The following C1QTNF3 variants were observed in gnomAD, a reference collection of about 807,000 sequenced individuals.
C1QTNF3 encodes the protein complement C1q tumor necrosis factor-related protein 3.
In C1QTNF3, 26 loss-of-function variants were observed where a neutral mutation model predicts 32.6. The ratio of observed to expected loss-of-function variants is 0.80; its 90% confidence interval spans 0.58 to 1.11. The LOEUF is 1.11. C1QTNF3 is among the 50% of genes least tolerant of loss of function. C1QTNF3 has a pLI of 0.00. For missense variants in C1QTNF3, 362 were observed against 398.2 expected (o/e 0.91, Z 0.77); for synonymous variants, 155 against 146.0 (o/e 1.06, Z -0.44).
chr5:34,122,174 A>G, the C1QTNF3 span, among the ~76,000 whole-genome samples: 7 of 152,208 alleles, frequency 4.6e-5, no homozygotes, highest in African/African-American at 1.7e-4. Context: ...GGTAGTGGGT[A>G]GAGGCTAAAA....
At chr5:34,120,898 A>G in the C1QTNF3 span, among the ~76,000 whole-genome samples, 12 of 152,248 alleles carry the variant, frequency 7.9e-5, no homozygotes, top group Non-Finnish European at 2.9e-5. Context: ...GTGATATAGT[A>G]ATAGCAATGA....
chr5:34,145,678 C>CA, the C1QTNF3 span, among the ~76,000 whole-genome samples: 1,431 of 96,838 alleles, frequency 0.015, 11 homozygotes, highest in South Asian at 0.035. Flanking sequence ...AGAGACACAG[C>CA]AAAAAAAAAA....
the C1QTNF3 span, among the ~76,000 whole-genome samples, chr5:34,147,166 C>T: frequency 7.2e-5 from 11 of 152,224 alleles, no homozygotes; most frequent in Admixed American, 3.3e-4. Flanking sequence ...TAACAGATGC[C>T]GGCAAGGCTG....
the C1QTNF3 span, among the ~76,000 whole-genome samples, chr5:34,148,002 C>T: frequency 6.6e-6 from 1 of 152,110 alleles, no homozygotes; most frequent in Non-Finnish European, 1.5e-5. Flanking sequence ...TGTGTGCGCA[C>T]CATGCGCGAG....
chr5:34,159,452 G>A, the C1QTNF3 span, among the ~76,000 whole-genome samples: 5 of 151,752 alleles, frequency 3.3e-5, no homozygotes, highest in South Asian at 2.1e-4. Flanking sequence ...AAATTATGAC[G>A]AGCTGCAAAA....
the C1QTNF3 span, among the ~76,000 whole-genome samples, chr5:34,049,203 T>C: frequency 6.6e-6 from 1 of 152,156 alleles, no homozygotes; most frequent in African/African-American, 2.4e-5. Flanking sequence ...TCTTTCTATG[T>C]TCCCAGAATT....
the C1QTNF3 span, chr5:34,200,993 G>A: frequency 6.6e-6 from 1 of 151,806 alleles, no homozygotes; most frequent in Non-Finnish European, 1.5e-5. Flanking sequence ...GTAATTATAT[G>A]GCAAGAATCT....
the C1QTNF3 span, among the ~76,000 whole-genome samples, chr5:34,147,250 A>G: frequency 6.6e-6 from 1 of 152,232 alleles, no homozygotes; most frequent in South Asian, 2.1e-4. Flanking sequence ...AGTAGTTTGG[A>G]GATTTCTCAA....
the C1QTNF3 span, among the ~76,000 whole-genome samples, chr5:34,136,656 C>T: frequency 6.6e-6 from 1 of 152,178 alleles, no homozygotes; most frequent in Admixed American, 6.5e-5. Context: ...TGGGTATATA[C>T]TCAAAAGATT....
At chr5:34,175,579 C>G in the C1QTNF3 span, 1 of 361,614 alleles carries the variant, frequency 2.8e-6, no homozygotes, top group African/African-American at 2.1e-5. Flanking sequence ...CCATTTCCAT[C>G]TCACTATAGC....
the C1QTNF3 span, among the ~76,000 whole-genome samples, chr5:34,153,854 A>AAT: frequency 0.028 from 1,589 of 57,562 alleles, 40 homozygotes; most frequent in African/African-American, 0.07. Context: ...CTTAGAGTAT[A>AAT]AAAAAAAAAA....
At chr5:34,042,761 A>AAAC (rs57826552) in intron 1 of C1QTNF3, 62 bp downstream of exon 1, 271,254 of 1,460,992 alleles carry the variant, frequency 0.19, 29,603 homozygotes, top group African/African-American at 0.43. Flanking sequence ...AACAACAACA[A>AAAC]AACAACAACA....
chr5:34,143,696 A>G, the C1QTNF3 span, among the ~76,000 whole-genome samples: 4 of 152,230 alleles, frequency 2.6e-5, no homozygotes, highest in African/African-American at 7.2e-5. Flanking sequence ...AACTTCATCA[A>G]TGAAGAAATA....
chr5:34,064,020 A>G, the C1QTNF3 span, among the ~76,000 whole-genome samples: 1 of 152,080 alleles, frequency 6.6e-6, no homozygotes, highest in Non-Finnish European at 1.5e-5. Flanking sequence ...TTCTGCCTCT[A>G]GTTGGCCCTC....
chr5:34,109,517 G>A, the C1QTNF3 span, among the ~76,000 whole-genome samples: 2 of 151,808 alleles, frequency 1.3e-5, no homozygotes, highest in South Asian at 4.2e-4. Context: ...AGGCATTGGG[G>A]TATAAAGTAA....
At chr5:34,210,441 C>T in the C1QTNF3 span, among the ~76,000 whole-genome samples, 1 of 151,062 alleles carries the variant, frequency 6.6e-6, no homozygotes, top group Non-Finnish European at 1.5e-5. Context: ...ATTGGTTAAC[C>T]TAAAATTACT....
chr5:34,142,441 A>AAC, the C1QTNF3 span, among the ~76,000 whole-genome samples: 13 of 151,290 alleles, frequency 8.6e-5, no homozygotes, highest in African/African-American at 2.7e-4. Context: ...CAAAAAAAAA[A>AAC]AAAACAGAAA....
chr5:34,177,636 G>A, the C1QTNF3 span, among the ~76,000 whole-genome samples: 1 of 151,882 alleles, frequency 6.6e-6, no homozygotes, highest in Non-Finnish European at 1.5e-5. Context: ...ACAGGTACAT[G>A]CCACCACACC....
the C1QTNF3 span, among the ~76,000 whole-genome samples, chr5:34,102,879 G>A: frequency 6.6e-6 from 1 of 152,238 alleles, no homozygotes; most frequent in Admixed American, 6.5e-5. Context: ...TACACCTAAT[G>A]TAAATGACGG....
Sources: allele counts gnomAD v4.1 joint callset (sites outside exome capture counted in the v4.1 genomes callset), GRCh38; gene constraint gnomAD v4.1.1; transcripts MANE v1.5; gene names NCBI Gene and HGNC (gene_info 2026-07-23, HGNC 2026-07-21).